MOCOS: variants seen among roughly 807,000 people sequenced by gnomAD.
The protein encoded by MOCOS is human molybdenum cofactor sulfurase.
In MOCOS, 86 loss-of-function variants were observed where a neutral mutation model predicts 83.6. The observed-to-expected ratio is 1.03, with a 90% CI of 0.86 to 1.23. The LOEUF (loss-of-function observed/expected upper bound fraction) is 1.23, where lower values mean the gene tolerates loss of function less well. MOCOS is among the 50% of genes most tolerant of loss of function. MOCOS has a pLI of 0.00. For missense variants in MOCOS, 1,120 were observed against 1,126.9 expected, an observed-to-expected ratio of 0.99 and a Z score of 0.09; for synonymous variants, 445 against 434.7, an observed-to-expected ratio of 1.02 and a Z score of -0.29.
intron 14 of MOCOS, among the ~76,000 whole-genome samples, chr18:36,267,813 C>A (rs566846955): frequency 3.9e-5 from 6 of 152,224 alleles, no homozygotes; most frequent in Non-Finnish European, 8.8e-5. Flanking sequence ...GCATGATGAA[C>A]CTTTTATTTT....
chr18:36,262,622 C>T (rs955658553), intron 13 of MOCOS, among the ~76,000 whole-genome samples: 6 of 152,090 alleles, frequency 3.9e-5, no homozygotes, highest in African/African-American at 1.4e-4. Flanking sequence ...CCTCAGCCTC[C>T]TGAGTAGCTG....
At chr18:36,244,747 A>G (rs1201638266) in intron 9 of MOCOS, among the ~76,000 whole-genome samples, 2 of 152,044 alleles carry the variant, frequency 1.3e-5, no homozygotes, top group African/African-American at 4.8e-5. Flanking sequence ...TTGTGTTGTC[A>G]TGTATCTCAT....
At chr18:36,201,997 G>A (rs1457442475) in intron 4 of MOCOS, among the ~76,000 whole-genome samples, 1 of 152,162 alleles carries the variant, frequency 6.6e-6, no homozygotes, top group Non-Finnish European at 1.5e-5. Flanking sequence ...GGGGGCCAGG[G>A]CATGAATGGG....
chr18:36,216,798 G>C (rs1402450523), intron 8 of MOCOS, among the ~76,000 whole-genome samples: 1 of 152,110 alleles, frequency 6.6e-6, no homozygotes, highest in Non-Finnish European at 1.5e-5. Context: ...ATTTTACAAT[G>C]GAGAAACCTA....
At chr18:36,227,119 T>G (rs2091518940) in intron 9 of MOCOS, among the ~76,000 whole-genome samples, 1 of 151,938 alleles carries the variant, frequency 6.6e-6, no homozygotes, top group Non-Finnish European at 1.5e-5. Context: ...ACCATGTTGC[T>G]CAGGTTGGTC....
intron 9 of MOCOS, among the ~76,000 whole-genome samples, chr18:36,221,837 T>C (rs2091497303): frequency 6.6e-6 from 1 of 151,950 alleles, no homozygotes; most frequent in South Asian, 2.1e-4. Context: ...GCGATTCTTG[T>C]GCTTCAGCCT....
chr18:36,195,750 AAAAT>A (rs1401643524), intron 2 of MOCOS, among the ~76,000 whole-genome samples: 1 of 152,242 alleles, frequency 6.6e-6, no homozygotes, highest in African/African-American at 2.4e-5. Flanking sequence ...TAATGGGAAC[AAAAT>A]AAACATATCC....
At chr18:36,220,277 G>A (rs2091491226) in intron 9 of MOCOS, 60 bp downstream of exon 9, 1 of 1,588,990 alleles carries the variant, frequency 6.3e-7, no homozygotes, top group African/African-American at 1.4e-5. Flanking sequence ...ATATTCATAT[G>A]AAATACTCTA....
intron 8 of MOCOS, among the ~76,000 whole-genome samples, chr18:36,219,611 A>C (rs2091488326): frequency 6.6e-6 from 1 of 152,098 alleles, no homozygotes; most frequent in Admixed American, 6.6e-5. Context: ...CCCAGGAGGC[A>C]GAGGTTGCAA....
chr18:36,259,954 C>T, intron 12 of MOCOS, 83 bp from the exon 13 acceptor site: 5 of 1,562,868 alleles, frequency 3.2e-6, no homozygotes, highest in Non-Finnish European at 4.4e-6. Flanking sequence ...TTAGGTGTTA[C>T]ATGGCAGGCA....
At chr18:36,224,081 T>C (rs1054495898) in intron 9 of MOCOS, among the ~76,000 whole-genome samples, 2 of 152,098 alleles carry the variant, frequency 1.3e-5, no homozygotes, top group African/African-American at 4.8e-5. Flanking sequence ...TTTCAGAGAG[T>C]TTGTTTTTAG....
At chr18:36,211,189 C>T (rs1055524736) in intron 6 of MOCOS, among the ~76,000 whole-genome samples, 4 of 152,188 alleles carry the variant, frequency 2.6e-5, no homozygotes, top group Non-Finnish European at 5.9e-5. Flanking sequence ...GAAACATCAG[C>T]TGGGTTTGGC....
intron 11 of MOCOS, among the ~76,000 whole-genome samples, chr18:36,254,573 C>A (rs1447906863): frequency 1.4e-5 from 2 of 140,592 alleles, no homozygotes; most frequent in East Asian, 2.1e-4. Context: ...TATTTCTTTC[C>A]TTTTCATATA....
intron 2 of MOCOS, among the ~76,000 whole-genome samples, chr18:36,197,793 G>C (rs927292765): frequency 6.6e-6 from 1 of 151,830 alleles, no homozygotes; most frequent in African/African-American, 2.4e-5. Context: ...ATCTATTTCA[G>C]GTGTCCAATG....
At chr18:36,198,640 G>T (rs768750621) in intron 2 of MOCOS, 50 bp from the exon 3 acceptor site, 1 of 1,581,632 alleles carries the variant, frequency 6.3e-7, no homozygotes. Flanking sequence ...GAACACAAAA[G>T]AAGCGACCCT....
intron 6 of MOCOS, among the ~76,000 whole-genome samples, chr18:36,207,917 A>G (rs771324432): frequency 2.0e-5 from 3 of 152,108 alleles, no homozygotes; most frequent in Admixed American, 6.5e-5. Context: ...TAGGATTTTT[A>G]TAGTTTCAGG....
Position 36,241,973 on chromosome 18 carries a change from G to A in MOCOS, c.1961-6949G>A, listed in dbSNP as rs142389617. Among the ~76,000 whole-genome samples, 1,435 of 152,278 alleles carry A rather than the reference G, an allele frequency of 9.4e-3. 14 individuals carry two copies. The highest frequency in any genetic ancestry group is 0.015 in the Non-Finnish European group (1,047 of 68,020). On this transcript the variant is annotated intron_variant, in intron 9 of 14. Transcript: ENST00000261326. ...AGCAGTGGGGCCCTGAGCCTGACCC[G>A]CGAAGCCATTTTTTTCCTCCTAGGC... is the stretch of plus-strand genomic sequence containing the variant.
At chr18:36,213,314 A>G in intron 6 of MOCOS, 52 bp from the exon 7 acceptor site, 1 of 1,384,030 alleles carries the variant, frequency 7.2e-7, no homozygotes, top group South Asian at 1.2e-5. Flanking sequence ...AATCTCTCAG[A>G]GTAAAACTGC....
At position 36,249,640 on chromosome 18, in the gene MOCOS, G is replaced by A. The variant is rs550711317; in HGVS notation, c.2039+640G>A. Among the ~76,000 whole-genome samples the A allele has an allele frequency of 5.9e-5, 9 of 152,244 alleles. No homozygotes were observed. In the South Asian group the frequency reaches 1.5e-3, roughly 25 times the overall value. On this transcript the variant is annotated intron_variant, in intron 10 of 14. Transcript: ENST00000261326. ...GTGCCTGTGGAGCAGTTGGAAGGGGGAAGGGGTGCAAGCAGGAAGGCCACA... is the reference window on the plus strand; with the variant it reads ...GTGCCTGTGGAGCAGTTGGAAGGGGAAAGGGGTGCAAGCAGGAAGGCCACA...
Sources: allele counts gnomAD v4.1 joint callset (sites outside exome capture counted in the v4.1 genomes callset), GRCh38; gene constraint gnomAD v4.1.1; transcripts MANE v1.5; gene names NCBI Gene and HGNC (gene_info 2026-07-23, HGNC 2026-07-21).